NRG1: variants seen among roughly 807,000 people sequenced by gnomAD.
NRG1 encodes the protein neuregulin 1.
In NRG1, 18 loss-of-function variants were observed where a neutral mutation model predicts 63.8. That is an observed-to-expected ratio of 0.28 (90% confidence interval 0.19 to 0.42). NRG1 has a LOEUF of 0.42. Among genes scored for constraint, NRG1 ranks in the 10% least tolerant of loss-of-function variants. The probability of loss-of-function intolerance (pLI) is 1.00; values close to 1 mark genes in which losing one functional copy is unlikely to be tolerated. For missense variants in NRG1, 762 were observed against 814.7 expected (o/e 0.94, Z 0.79); for synonymous variants, 302 against 301.3 (o/e 1.00, Z -0.02).
At chr8:32,557,255 C>A (rs1481435604) in intron 1 of NRG1, among the ~76,000 whole-genome samples, 3 of 152,136 alleles carry the variant, frequency 2.0e-5, no homozygotes, top group Non-Finnish European at 4.4e-5. Context: ...GATTAACCCA[C>A]CTCGGCCTCC....
chr8:32,122,748 A>G (rs1833619463), intron 1 of NRG1, among the ~76,000 whole-genome samples: 1 of 151,826 alleles, frequency 6.6e-6, no homozygotes, highest in Non-Finnish European at 1.5e-5. Flanking sequence ...AGCATTAGGT[A>G]TATCTCCCAA....
intron 1 of NRG1, among the ~76,000 whole-genome samples, chr8:32,060,510 C>T (rs886707894): frequency 6.6e-6 from 1 of 151,876 alleles, no homozygotes; most frequent in East Asian, 1.9e-4. Flanking sequence ...TAGAGAAGAA[C>T]AAACAATAAT....
chr8:31,860,539 G>C (rs1378416834), intron 1 of NRG1, among the ~76,000 whole-genome samples: 1 of 152,162 alleles, frequency 6.6e-6, no homozygotes, highest in Non-Finnish European at 1.5e-5. Flanking sequence ...TGCATGAAAA[G>C]TAATTACCGT....
chr8:31,724,253 A>G (rs1813202539), intron 1 of NRG1, among the ~76,000 whole-genome samples: 1 of 152,112 alleles, frequency 6.6e-6, no homozygotes, highest in Admixed American at 6.6e-5. Flanking sequence ...CAGGCTGGGG[A>G]TACTATGAAC....
intron 1 of NRG1, among the ~76,000 whole-genome samples, chr8:31,885,127 G>A (rs900874145): frequency 2.0e-5 from 3 of 152,132 alleles, no homozygotes; most frequent in Non-Finnish European, 4.4e-5. Context: ...GACTCATGAA[G>A]TGCAGTATGA....
At chr8:32,110,042 G>C (rs1237809761) in intron 1 of NRG1, among the ~76,000 whole-genome samples, 1 of 152,070 alleles carries the variant, frequency 6.6e-6, no homozygotes, top group Non-Finnish European at 1.5e-5. Flanking sequence ...AAGGATTAAA[G>C]GAACTAATAT....
At chr8:32,001,353 G>A (rs894309771) in intron 1 of NRG1, among the ~76,000 whole-genome samples, 24 of 151,866 alleles carry the variant, frequency 1.6e-4, no homozygotes, top group Non-Finnish European at 3.2e-4. Flanking sequence ...CCCTGCACAT[G>A]CTCTCTTGCC....
At chr8:31,665,415 G>A (rs1161461999) in intron 1 of NRG1, among the ~76,000 whole-genome samples, 1 of 152,142 alleles carries the variant, frequency 6.6e-6, no homozygotes. Context: ...TTTGGTAAGG[G>A]TACAGGTCAT....
At chr8:32,314,931 T>G (rs1857215766) in intron 1 of NRG1, among the ~76,000 whole-genome samples, 1 of 152,216 alleles carries the variant, frequency 6.6e-6, no homozygotes, top group Admixed American at 6.5e-5. Context: ...TGACTGATTC[T>G]CACCACCACC....
chr8:31,983,555 AT>A (rs1368566305), intron 1 of NRG1, among the ~76,000 whole-genome samples: 1 of 151,668 alleles, frequency 6.6e-6, no homozygotes, highest in Non-Finnish European at 1.5e-5. Context: ...ATTTTTTTAA[AT>A]TTTTTTGCAG....
chr8:32,373,844 T>TA (rs1222082307), intron 1 of NRG1, among the ~76,000 whole-genome samples: 7 of 152,056 alleles, frequency 4.6e-5, no homozygotes, highest in South Asian at 2.1e-4. Flanking sequence ...AAGTATATTT[T>TA]AAAAAAAACT....
At chr8:32,754,953 A>G (rs1172339576) in intron 8 of NRG1, among the ~76,000 whole-genome samples, 1 of 152,210 alleles carries the variant, frequency 6.6e-6, no homozygotes, top group East Asian at 1.9e-4. Flanking sequence ...AACAAATCCA[A>G]TTTACACTGA....
intron 1 of NRG1, among the ~76,000 whole-genome samples, chr8:32,515,015 A>G (rs530516067): frequency 4.7e-5 from 5 of 105,930 alleles, no homozygotes; most frequent in Admixed American, 2.2e-4. Context: ...TCTTTATCCA[A>G]TCCACTGTTT....
At chr8:31,847,515 TA>T (rs1490562010) in intron 1 of NRG1, among the ~76,000 whole-genome samples, 1 of 152,214 alleles carries the variant, frequency 6.6e-6, no homozygotes, top group Non-Finnish European at 1.5e-5. Flanking sequence ...TAAAAAACCC[TA>T]CCTTTTCTAC....
At chr8:32,576,731 G>C (rs946588574) in intron 1 of NRG1, among the ~76,000 whole-genome samples, 1 of 151,614 alleles carries the variant, frequency 6.6e-6, no homozygotes. Flanking sequence ...TGTTTAAAAG[G>C]CAGATTCTTT....
chr8:31,926,315 G>T (rs551022857), intron 1 of NRG1, among the ~76,000 whole-genome samples: 3 of 152,116 alleles, frequency 2.0e-5, no homozygotes, highest in Non-Finnish European at 4.4e-5. Flanking sequence ...CTGAGCTACT[G>T]TTTTCTGTTC....
intron 1 of NRG1, among the ~76,000 whole-genome samples, chr8:32,275,813 C>T (rs1300194787): frequency 2.6e-5 from 4 of 151,728 alleles, no homozygotes; most frequent in Non-Finnish European, 4.4e-5. Flanking sequence ...CAGATGATGC[C>T]CCTGCCTCTA....
intron 1 of NRG1, among the ~76,000 whole-genome samples, chr8:31,649,985 T>G (rs4308691): frequency 0.29 from 44,082 of 151,646 alleles, 6,907 homozygotes; most frequent in African/African-American, 0.39. Context: ...CTACTTTTTT[T>G]TTTGTTTGTT....
chr8:32,116,971 CA>C (rs756283492), intron 1 of NRG1, among the ~76,000 whole-genome samples: 4,160 of 31,530 alleles, frequency 0.13, 79 homozygotes, highest in African/African-American at 0.27. Context: ...CCTGTCTCTA[CA>C]AAAAAAAAAA....
Sources: gnomAD v4.1 joint callset for allele counts (sites outside exome capture counted in the v4.1 genomes callset) on GRCh38, gnomAD v4.1.1 for gene constraint, MANE v1.5 for transcripts, NCBI Gene and HGNC (gene_info 2026-07-23, HGNC 2026-07-21) for gene names.